Variants in DUSP22 observed in about 807,000 individuals in gnomAD.
DUSP22 encodes dual specificity phosphatase 22.
A neutral mutation model predicts 24.5 loss-of-function variants in DUSP22; 24 were observed. That is an observed-to-expected ratio of 0.98 (90% CI 0.71 to 1.38). DUSP22 has a LOEUF of 1.38. DUSP22 is among the 40% of genes most tolerant of loss of function. DUSP22 has a pLI of 0.00. For synonymous variants in DUSP22, 160 were observed against 106.4 expected (o/e 1.50, Z -3.10); for missense variants, 330 against 269.2 (o/e 1.23, Z -1.58).
chr6:308,236 C>T (rs1757911783), intron 2 of DUSP22, among the ~76,000 whole-genome samples: 1 of 152,264 alleles, frequency 6.6e-6, no homozygotes, highest in Non-Finnish European at 1.5e-5. Context: ...GGTCTGTGCT[C>T]AGGAGGAGCT....
intron 4 of DUSP22, among the ~76,000 whole-genome samples, chr6:338,798 C>A (rs1424375739): frequency 1.3e-5 from 2 of 152,292 alleles, no homozygotes; most frequent in African/African-American, 4.8e-5. Flanking sequence ...TAAATTTTTC[C>A]CCACAAATCC....
intron 3 of DUSP22, among the ~76,000 whole-genome samples, chr6:331,562 C>G (rs111366938): frequency 8.0e-3 from 1,210 of 152,064 alleles, no homozygotes; most frequent in Middle Eastern, 0.034. Flanking sequence ...GTGAAACCAT[C>G]TATTCCACAT....
chr6:302,326 G>T (rs1322733542), intron 1 of DUSP22, among the ~76,000 whole-genome samples: 2 of 152,428 alleles, frequency 1.3e-5, no homozygotes, highest in East Asian at 3.8e-4. Flanking sequence ...ATAGTGGCCA[G>T]TGGCCACAGT....
At chr6:337,266 A>G (rs1442703402) in intron 4 of DUSP22, 1 of 152,466 alleles carries the variant, frequency 6.6e-6, no homozygotes, top group East Asian at 1.9e-4. Context: ...ATTTTAACCC[A>G]TCTACACCTC....
intron 3 of DUSP22, among the ~76,000 whole-genome samples, chr6:314,371 C>G (rs1203459996): frequency 2.0e-5 from 3 of 152,398 alleles, no homozygotes; most frequent in African/African-American, 7.2e-5. Flanking sequence ...GGGTTTTGGT[C>G]CTGCTACATC....
intron 3 of DUSP22, among the ~76,000 whole-genome samples, chr6:318,602 C>G (rs1296165103): frequency 4.6e-5 from 7 of 152,240 alleles, no homozygotes; most frequent in African/African-American, 1.7e-4. Flanking sequence ...GTGACCACAG[C>G]AGGCCTCAGC....
intron 3 of DUSP22, among the ~76,000 whole-genome samples, chr6:315,266 A>C (rs1758292229): frequency 6.6e-6 from 1 of 152,304 alleles, no homozygotes; most frequent in Non-Finnish European, 1.5e-5. Flanking sequence ...GATTCTGAGG[A>C]GCTCTGACCC....
At chr6:327,600 C>T (rs920300992) in intron 3 of DUSP22, among the ~76,000 whole-genome samples, 12 of 152,414 alleles carry the variant, frequency 7.9e-5, no homozygotes, top group Admixed American at 3.9e-4. Context: ...GCCCTTCACA[C>T]GCAGTGCCAG....
intron 1 of DUSP22, among the ~76,000 whole-genome samples, chr6:295,900 G>A (rs1217080770): frequency 6.6e-6 from 1 of 152,130 alleles, no homozygotes; most frequent in Non-Finnish European, 1.5e-5. Flanking sequence ...GAGGTCAAAC[G>A]ACCTTATATT....
Position 349,682 on chromosome 6 carries a change from C to A in DUSP22, c.*731C>A, listed in dbSNP as rs544096091. The A allele has an allele frequency of 1.1e-4, 104 of 986,074 alleles. No homozygotes were observed. The African/African-American group carries it at 1.6e-3, about 15-fold the overall frequency. The allele number at this position is 986,074 out of a possible 1,614,324, so 61.1% of individuals were successfully genotyped here. A position where few individuals can be genotyped will look rare whatever the true frequency, so the allele number is the denominator to read the frequency against. On this transcript the variant is annotated 3_prime_UTR_variant, in exon 7 of 7. Transcript: ENST00000419235. ...GGGCCAGCACTTTATACCAACTCAGCATTTAAGGGAAGTATCTTAGATTGC... is the reference window on the plus strand; with the variant it reads ...GGGCCAGCACTTTATACCAACTCAGAATTTAAGGGAAGTATCTTAGATTGC...
At chr6:341,123 G>A (rs974054474) in intron 4 of DUSP22, among the ~76,000 whole-genome samples, 41 of 152,286 alleles carry the variant, frequency 2.7e-4, no homozygotes, top group Admixed American at 5.9e-4. Flanking sequence ...TGCAAGGACC[G>A]CGGGCAGGAG....
Position 349,579 on chromosome 6 carries a change from C to T in DUSP22, c.*628C>T. 2.0e-6 allele frequency: 2 copies of T among 988,948 alleles called. No homozygotes were observed. Among genetic ancestry groups the T allele is most frequent in the Non-Finnish European group, 2.4e-6 (2 of 832,612 alleles). The allele number at this position is 988,948 out of a possible 1,614,324, so 61.3% of individuals were successfully genotyped here. On this transcript the variant is annotated 3_prime_UTR_variant, in exon 7 of 7. Coordinates refer to ENST00000419235, the MANE Select transcript of DUSP22 (RefSeq NM_001286555.3). ...ACCCAGGGTGGTGTGGTGGGGGCAA[C>T]AGGGGCCAGACTCCTCTAGAGGGAG...
chr6:333,602 A>T (rs1400770762), intron 3 of DUSP22, among the ~76,000 whole-genome samples: 1 of 152,300 alleles, frequency 6.6e-6, no homozygotes, highest in Admixed American at 6.5e-5. Flanking sequence ...AACAGCTTTT[A>T]CTAAGAGAGA....
At chr6:344,405 C>A (rs924500127) in intron 4 of DUSP22, among the ~76,000 whole-genome samples, 2 of 152,422 alleles carry the variant, frequency 1.3e-5, no homozygotes, top group Middle Eastern at 3.4e-3. Context: ...CCCACCTCGG[C>A]CTCCCAAGTA....
At chr6:316,756 A>G (rs1306826200) in intron 3 of DUSP22, among the ~76,000 whole-genome samples, 1 of 152,312 alleles carries the variant, frequency 6.6e-6, no homozygotes, top group Non-Finnish European at 1.5e-5. Context: ...ATTAACAAAA[A>G]AAAAGTTTTA....
At chr6:302,499 C>T (rs1209305314) in intron 1 of DUSP22, among the ~76,000 whole-genome samples, 2 of 152,308 alleles carry the variant, frequency 1.3e-5, no homozygotes, top group African/African-American at 4.8e-5. Flanking sequence ...GTGTCACTGT[C>T]CCCAGGAAGC....
At chr6:319,309 T>C (rs1383598911) in intron 3 of DUSP22, among the ~76,000 whole-genome samples, 1 of 152,306 alleles carries the variant, frequency 6.6e-6, no homozygotes, top group Non-Finnish European at 1.5e-5. Context: ...TGGAAGGTGA[T>C]CTGTGTTTGG....
intron 4 of DUSP22, among the ~76,000 whole-genome samples, chr6:339,813 C>T (rs1234027668): frequency 6.6e-6 from 1 of 152,310 alleles, no homozygotes; most frequent in Admixed American, 6.5e-5. Flanking sequence ...TCTGTACTTT[C>T]AACTCTCTTT....
At chr6:325,002 C>T (rs538838437) in intron 3 of DUSP22, among the ~76,000 whole-genome samples, 1,644 of 150,954 alleles carry the variant, frequency 0.011, no homozygotes, top group Non-Finnish European at 0.018. Flanking sequence ...GAGGCTGGCT[C>T]AGGGAGATAG....
Sources: gnomAD v4.1 joint callset for allele counts (sites outside exome capture counted in the v4.1 genomes callset) on GRCh38, gnomAD v4.1.1 for gene constraint, MANE v1.5 for transcripts, NCBI Gene and HGNC (gene_info 2026-07-23, HGNC 2026-07-21) for gene names.